Variants in THBS3 observed in about 807,000 individuals in gnomAD.
The protein encoded by THBS3 is thrombospondin-3.
Under a neutral mutation model 118.3 loss-of-function variants are expected in THBS3, and 78 were observed. The observed-to-expected ratio is 0.66, with a 90% CI of 0.55 to 0.80. The LOEUF is 0.80. THBS3 is among the 30% of genes least tolerant of loss of function. The pLI, the probability that THBS3 is intolerant of heterozygous loss-of-function variation, is 0.00. For missense variants in THBS3, 1,057 were observed against 1,247.4 expected, an observed-to-expected ratio of 0.85 and a Z score of 2.30; for synonymous variants, 427 against 475.3, an observed-to-expected ratio of 0.90 and a Z score of 1.32.
chr1:155,208,845 C>T, upstream of THBS3: 3 of 1,591,060 alleles, frequency 1.9e-6, no homozygotes, highest in Non-Finnish European at 2.6e-6. Context: ...CGCTCGGGGA[C>T]GAGCCCCAAG....
At chr1:155,207,979 G>C, upstream of THBS3, 1 of 701,646 alleles carries the variant, frequency 1.4e-6, no homozygotes, top group Non-Finnish European at 2.2e-6. Flanking sequence ...GAATTGGAGG[G>C]GGGGCCAGCA....
rs747469181 is a variant in THBS3, at chr1:155,197,042, G to T, written c.2671C>A (p.Arg891=). 5.6e-6 allele frequency: 9 copies of T among 1,613,274 alleles called. No homozygotes were observed. The South Asian group carries it at 7.7e-5, about 14-fold the overall frequency. Residue 891 remains arginine, a splice_region_variant and synonymous_variant, in exon 21 of 23, where the codon CGG becomes AGG. Transcript: ENST00000368378. The surrounding 1 kb of genome is among the most constrained non-coding windows in gnomAD (Gnocchi z 5.0). ...GGTGGGCTCAGCCCCTCTCCTTACC[G>T]AATGTAGCCAACTTGAGGCCGGTGC... is the stretch of plus-strand genomic sequence containing the variant. ...LLHRPQVGYI[R]VKLYEGPQLV...
chr1:155,208,694 CACCCAAG>C, upstream of THBS3: 1 of 1,174,614 alleles, frequency 8.5e-7, no homozygotes, highest in Non-Finnish European at 1.2e-6. Flanking sequence ...TCCCCTCCCC[CACCCAAG>C]CCCCAGCCCG....
chr1:155,208,822 C>T (rs1218732355), upstream of THBS3: 2 of 1,573,684 alleles, frequency 1.3e-6, no homozygotes, highest in Non-Finnish European at 1.7e-6. Flanking sequence ...TCGGGGGACC[C>T]CCCCGCAGTC....
intron 10 of THBS3, 176 bp downstream of exon 10, chr1:155,201,781 C>T (rs1337521240): frequency 2.3e-5 from 24 of 1,051,436 alleles, no homozygotes; most frequent in Non-Finnish European, 3.2e-5. Flanking sequence ...AAATAACCTG[C>T]TAAAGAGCTA....
At chr1:155,205,031 A>G (rs761419805) in intron 3 of THBS3, 29 bp downstream of exon 3, 3 of 1,613,004 alleles carry the variant, frequency 1.9e-6, no homozygotes. Flanking sequence ...CTCTATTTCC[A>G]CAGAACTCAG....
upstream of THBS3, chr1:155,208,115 C>T: frequency 3.5e-6 from 2 of 567,556 alleles, no homozygotes; most frequent in South Asian, 2.1e-5. Context: ...CCCTAATGAT[C>T]CTCCCCCAGG....
Position 155,203,229 on chromosome 1 carries a change from T to C in THBS3, c.750A>G (p.Arg250=). ...QILVELRDDI[R]DQVKEMSLIR... ...TTCGCCAGCCCACCCAAACCTGGTC[T>C]CGTATATCATCCCGCAGCTCCACCA... Residue 250 remains arginine, a synonymous_variant, in exon 6 of 23, where the codon CGA becomes CGG. Coordinates refer to ENST00000368378, the MANE Select transcript of THBS3 (RefSeq NM_007112.5). The C allele has an allele frequency of 3.1e-6, 5 of 1,614,132 alleles. No individual in the cohort carries two copies. The highest frequency in any genetic ancestry group is 4.2e-6 in the Non-Finnish European group (5 of 1,180,018).
At chr1:155,196,739 G>C (rs1668733904) in intron 21 of THBS3, 4 of 396,404 alleles carry the variant, frequency 1.0e-5, no homozygotes, top group Non-Finnish European at 1.4e-5. Flanking sequence ...ACAGGTTCCA[G>C]GTCATACCAA....
rs1557864896 is a variant in THBS3 at position 155,200,961 on chromosome 1, T to C, written c.1484A>G (p.Asp495Gly). ...ACACTGGTCCCCCACACCATCATTA[T>C]CAGCATCTTCCTGCCCAGAGTTGGG... ...LTPNSGQEDA[D>G]NDGVGDQCDD... The change falls in exon 13 of 23, where the codon GAT (aspartate) becomes GGT (glycine). Residue 495 changes from aspartate to glycine, a missense_variant. By Grantham distance (94) the Asp-to-Gly change is moderately conservative (BLOSUM62 -1). Transcript: ENST00000368378. The C allele has an allele frequency of 6.2e-7, 1 of 1,614,202 alleles. No homozygotes were observed. Among genetic ancestry groups the C allele is most frequent in the Non-Finnish European group, 8.5e-7 (1 of 1,180,028 alleles).
chr1:155,200,749 G>A, intron 13 of THBS3, 139 bp from the exon 14 acceptor site: 2 of 1,562,318 alleles, frequency 1.3e-6, no homozygotes, highest in South Asian at 1.2e-5. Flanking sequence ...CACCCACCCA[G>A]CCTCCTTGTC....
chr1:155,200,215 C>G, intron 14 of THBS3, 102 bp from the exon 15 acceptor site: 1 of 1,163,560 alleles, frequency 8.6e-7, no homozygotes, highest in African/African-American at 1.5e-5. Context: ...CAGAGGACAA[C>G]TGGCCAGGAA....
chr1:155,197,793 A>G lies in THBS3; in HGVS notation c.2302+87T>C. On this transcript the variant is annotated intron_variant, in intron 19 of 22. Transcript: ENST00000368378. The surrounding 1 kb of genome is among the most constrained non-coding windows in gnomAD (Gnocchi z 5.0). Reference sequence around the variant, plus strand: ...TGCCTTCTCTCTCGCCACTTTGCCCATTCTCCCTGTCTGTTTCCTCCCCTA... The same window carrying G: ...TGCCTTCTCTCTCGCCACTTTGCCCGTTCTCCCTGTCTGTTTCCTCCCCTA... 6.2e-7 allele frequency: 1 copy of G among 1,602,226 alleles called. No individual in the cohort carries two copies. Among genetic ancestry groups the G allele is most frequent in the Admixed American group, 1.7e-5 (1 of 59,878 alleles).
chr1:155,201,501 G>C lies in THBS3; in HGVS notation c.1245C>G (p.Ala415=), dbSNP rs1443002591. 1 of 1,613,648 alleles carries C rather than the reference G, an allele frequency of 6.2e-7. No homozygotes were observed. The highest frequency in any genetic ancestry group is 8.5e-7 in the Non-Finnish European group (1 of 1,179,804). ...LGNQSQGCLP[A]RTCHSPAHSP... is the part of the protein sequence containing the mutation. ...TGTGGGCTGGGCTGTGGCAGGTCCG[G>C]GCTGGGAGGCAGCCCTGGCTCTGGT... is the stretch of plus-strand genomic sequence containing the variant. Residue 415 remains alanine (A), a synonymous_variant, in exon 11 of 23, where the codon GCC becomes GCG. Transcript: ENST00000368378.
chr1:155,200,386 T>A, intron 14 of THBS3, 65 bp downstream of exon 14: 1 of 1,573,584 alleles, frequency 6.4e-7, no homozygotes, highest in Non-Finnish European at 8.7e-7. Flanking sequence ...GCTTCCCTGC[T>A]TCATCCCCAC....
chr1:155,201,182 T>C lies in THBS3; in HGVS notation c.1352A>G (p.Asn451Ser). The change falls in exon 12 of 23, where the codon AAT (asparagine) becomes AGT (serine). Residue 451 changes from asparagine to serine, a missense_variant. Asn to Ser is a conservative substitution (Grantham distance 46). Around this residue, in one of 3 missense-constraint regions of THBS3, gnomAD observed 544 missense variants for 715.6 expected, o/e 0.76. Transcript: ENST00000368378. Reference protein sequence around the residue: ...SCQCNVGWAGNGNVCGTDTDI... With the variant: ...SCQCNVGWAGSGNVCGTDTDI... ...TGTGTCAGTCCCACACACGTTCCCA[T>C]TCCCAGCCCAGCCCACGTTACACTA... 1 of 1,614,088 alleles carries C rather than the reference T, an allele frequency of 6.2e-7. No homozygotes were observed. Among genetic ancestry groups the C allele is most frequent in the Non-Finnish European group, 8.5e-7 (1 of 1,180,018 alleles).
At chr1:155,200,743 C>T in intron 13 of THBS3, 133 bp from the exon 14 acceptor site, 1 of 1,559,034 alleles carries the variant, frequency 6.4e-7, no homozygotes, top group South Asian at 1.2e-5. Context: ...CAGTCCCACC[C>T]ACCCAGCCTC....
In THBS3 at chr1:155,197,499, G is replaced by T. The variant is rs369385355; in HGVS notation, c.2463C>A (p.Pro821=). The change falls in exon 20 of 23, where the codon CCC becomes CCA. Residue 821 remains proline, a synonymous_variant. Transcript: ENST00000368378. The surrounding 1 kb of genome is among the most constrained non-coding windows in gnomAD (Gnocchi z 5.0). ...GCCCGGGCTGGGCAACCGCCCGGAA[G>T]GGTGTAGCCTGCCAGTAGGTCTGCT... is the stretch of plus-strand genomic sequence containing the variant. ...QTEQTYWQAT[P]FRAVAQPGLQ... is the part of the protein sequence containing the mutation. The T allele has an allele frequency of 1.9e-6, 3 of 1,613,910 alleles. No individual in the cohort carries two copies. The African/African-American group carries it at 4.0e-5, about 22-fold the overall frequency.
rs143461137 is a variant in THBS3, at chr1:155,206,103, G to C, written c.286+97C>G. 7.0e-7 allele frequency: 1 copy of C among 1,418,462 alleles called. No individual in the cohort carries two copies. The highest frequency in any genetic ancestry group is 1.8e-5 in the Admixed American group (1 of 55,590). 87.9% of individuals were successfully genotyped at this position (1,418,462 alleles called of 1,614,324 possible). A position where few individuals can be genotyped will look rare whatever the true frequency, so the allele number is the denominator to read the frequency against. On this transcript the variant is annotated intron_variant, in intron 2 of 22. Coordinates refer to ENST00000368378, the MANE Select transcript of THBS3 (RefSeq NM_007112.5). The surrounding 1 kb of genome is among the most constrained non-coding windows in gnomAD (Gnocchi z 4.2). ...GCCTGATGGGACCTTGGTCCCTAGT[G>C]GAGGCCAAGGAGAATGAGGAAGCAC...
Sources: allele counts gnomAD v4.1 joint callset, GRCh38; gene constraint gnomAD v4.1.1; regional missense constraint gnomAD v4.1.1; non-coding constraint Gnocchi (gnomAD v3.1); transcripts MANE v1.5; gene names NCBI Gene and HGNC (gene_info 2026-07-23, HGNC 2026-07-21).